OSTM1: variants seen among roughly 807,000 people sequenced by gnomAD.
OSTM1 encodes the protein osteopetrosis-associated transmembrane protein 1.
OSTM1 carries 26 observed loss-of-function variants against 35.4 expected under a neutral mutation model. The observed-to-expected ratio is 0.73, with a 90% confidence interval of 0.54 to 1.02. OSTM1 has a LOEUF of 1.02. Ranked by LOEUF, OSTM1 falls within the 50% of genes least tolerant of loss-of-function variation. The pLI, the probability that OSTM1 is intolerant of heterozygous loss-of-function variation, is 0.00. For synonymous variants in OSTM1, 181 were observed against 165.0 expected (o/e 1.10, Z -0.75); for missense variants, 366 against 409.6 (o/e 0.89, Z 0.92).
Position 108,044,571 on chromosome 6 carries a change from C to T in OSTM1, c.*214G>A. 1 of 441,468 alleles carries T rather than the reference C, an allele frequency of 2.3e-6. No homozygotes were observed. Among genetic ancestry groups the T allele is most frequent in the South Asian group, 4.0e-5 (1 of 25,228 alleles). 27.3% of individuals were successfully genotyped at this position (441,468 alleles called of 1,614,324 possible). A position where few individuals can be genotyped will look rare whatever the true frequency, so the allele number is the denominator to read the frequency against. ...GACAAATACACATTAAAATAGATAA[C>T]ATTGCTATGCCTGGAAATTAAAAAT... is the stretch of plus-strand genomic sequence containing the variant. On this transcript the variant is annotated 3_prime_UTR_variant, in exon 6 of 6. Transcript: ENST00000193322.
At chr6:108,044,883 A>G in intron 5 of OSTM1, 43 bp from the exon 6 acceptor site, 4 of 977,184 alleles carry the variant, frequency 4.1e-6, no homozygotes, top group Non-Finnish European at 6.2e-6. Flanking sequence ...AAATTTAATT[A>G]TCAAACATGA....
In OSTM1 at chr6:108,044,559, T is replaced by G. The variant is rs1346447918; in HGVS notation, c.*226A>C. The G allele has an allele frequency of 2.4e-5, 10 of 415,878 alleles. No individual in the cohort carries two copies. Among genetic ancestry groups the G allele is most frequent in the Non-Finnish European group, 4.3e-5 (10 of 232,238 alleles). 25.8% of individuals were successfully genotyped at this position (415,878 alleles called of 1,614,324 possible). On this transcript the variant is annotated 3_prime_UTR_variant, in exon 6 of 6. Transcript: ENST00000193322. Reference sequence around the variant, plus strand: ...TTCTGTTATTGTGACAAATACACATTAAAATAGATAACATTGCTATGCCTG... The same window carrying G: ...TTCTGTTATTGTGACAAATACACATGAAAATAGATAACATTGCTATGCCTG...
chr6:108,053,686 G>A (rs1772121570), intron 3 of OSTM1, among the ~76,000 whole-genome samples: 1 of 152,044 alleles, frequency 6.6e-6, no homozygotes, highest in Non-Finnish European at 1.5e-5. Context: ...GGTTGATCTC[G>A]AACTCCTGAC....
At chr6:108,048,143 G>T (rs1772012056) in intron 5 of OSTM1, among the ~76,000 whole-genome samples, 1 of 152,072 alleles carries the variant, frequency 6.6e-6, no homozygotes, top group African/African-American at 2.4e-5. Flanking sequence ...TGATCTACAG[G>T]TAACCTTTTT....
chr6:108,062,535 CTT>C (rs780041339), intron 2 of OSTM1, among the ~76,000 whole-genome samples: 10 of 131,056 alleles, frequency 7.6e-5, no homozygotes, highest in Admixed American at 7.9e-5. Flanking sequence ...CTTTTCTTTT[CTT>C]TTTTTTTTTT....
chr6:108,061,410 AT>A (rs947654085), intron 2 of OSTM1, among the ~76,000 whole-genome samples: 1 of 151,568 alleles, frequency 6.6e-6, no homozygotes. Flanking sequence ...TGCCTAAACT[AT>A]AGCAGTAAAC....
At chr6:108,066,075 T>C (rs543489525) in intron 1 of OSTM1, among the ~76,000 whole-genome samples, 1 of 152,290 alleles carries the variant, frequency 6.6e-6, no homozygotes, top group South Asian at 2.1e-4. Context: ...CAGTAGTCTA[T>C]GAAAGTAGGG....
intron 1 of OSTM1, among the ~76,000 whole-genome samples, chr6:108,072,870 G>A (rs1299186619): frequency 1.3e-5 from 2 of 152,080 alleles, no homozygotes; most frequent in Non-Finnish European, 2.9e-5. Flanking sequence ...TGATTCTTCT[G>A]CCTCAGCTTC....
At chr6:108,050,553 G>A (rs905044053) in intron 4 of OSTM1, among the ~76,000 whole-genome samples, 10 of 149,122 alleles carry the variant, frequency 6.7e-5, no homozygotes, top group Middle Eastern at 6.8e-3. Context: ...TAGTAGAGAC[G>A]GGGTTTCACC....
chr6:108,066,225 T>C (rs559902278), intron 1 of OSTM1, among the ~76,000 whole-genome samples: 19 of 152,156 alleles, frequency 1.2e-4, no homozygotes, highest in African/African-American at 4.6e-4. Context: ...CCGTGATATG[T>C]AGGGTGAGGA....
rs1476063569 is a variant in OSTM1, at chr6:108,042,260, T to C, written c.*2525A>G. The C allele has an allele frequency of 9.4e-6, 1 of 106,268 alleles. No homozygotes were observed. Among genetic ancestry groups the C allele is most frequent in the Non-Finnish European group, 1.8e-5 (1 of 56,098 alleles). 6.6% of individuals were successfully genotyped at this position (106,268 alleles called of 1,614,324 possible). A position where few individuals can be genotyped will look rare whatever the true frequency, so the allele number is the denominator to read the frequency against. On this transcript the variant is annotated 3_prime_UTR_variant, in exon 6 of 6. Coordinates refer to ENST00000193322, the MANE Select transcript of OSTM1 (RefSeq NM_014028.4). Reference sequence around the variant, plus strand: ...CAGCTTGGGCAACATAGTGAGACACTGTCTCTACAAAAAAAAAAAAAAAAA... The same window carrying C: ...CAGCTTGGGCAACATAGTGAGACACCGTCTCTACAAAAAAAAAAAAAAAAA...
chr6:108,048,716 C>T (rs1452264236), intron 5 of OSTM1, among the ~76,000 whole-genome samples: 2 of 147,684 alleles, frequency 1.4e-5, no homozygotes, highest in Admixed American at 6.7e-5. Context: ...CTAGCTTTCT[C>T]AATTTAATCA....
At position 108,051,136 on chromosome 6, in the gene OSTM1, T is replaced by A. The variant is rs772041432; in HGVS notation, c.678A>T (p.Glu226Asp). The A allele has an allele frequency of 3.7e-6, 6 of 1,613,396 alleles. No homozygotes were observed. Among genetic ancestry groups the A allele is most frequent in the Non-Finnish European group, 5.1e-6 (6 of 1,179,506 alleles). Residue 226 changes from glutamate (E) to aspartate (D), a missense_variant, in exon 4 of 6, where the codon GAA (glutamate) becomes GAT (aspartate). By Grantham distance (45) the Glu-to-Asp change is conservative. Around this residue, in one of 3 missense-constraint regions of OSTM1, gnomAD observed 125 missense variants for 151.7 expected, o/e 0.82. Transcript: ENST00000193322. ...ACAGACTACTCAGAGTTTTGTATGC[T>A]TCACGGCAGTTTTTGCATACTTCTG... The part of the protein sequence containing the change: ...NYSEVCKNCR[E>D]AYKTLSSLYS...
rs1175025828 is a variant in OSTM1 at position 108,043,740 on chromosome 6, A to G, written c.*1045T>C. The stretch of plus-strand genomic sequence containing the variant: ...ATCTGATTGAAATAATTTAGAAACA[A>G]TAAGGATGATCTTAATCTCACTATT... On this transcript the variant is annotated 3_prime_UTR_variant, in exon 6 of 6. Coordinates refer to ENST00000193322, the MANE Select transcript of OSTM1 (RefSeq NM_014028.4). 1 of 152,212 alleles carries G rather than the reference A, an allele frequency of 6.6e-6. No individual in the cohort carries two copies. Among genetic ancestry groups the G allele is most frequent in the Non-Finnish European group, 1.5e-5 (1 of 68,040 alleles). 9.4% of individuals were successfully genotyped at this position (152,212 alleles called of 1,614,324 possible).
chr6:108,071,187 CA>C (rs540297028), intron 1 of OSTM1, among the ~76,000 whole-genome samples: 13 of 141,904 alleles, frequency 9.2e-5, no homozygotes, highest in South Asian at 4.4e-4. Context: ...GACTCTGTCT[CA>C]AAAAAAAAAG....
chr6:108,056,767 C>G (rs1402712271), intron 2 of OSTM1, among the ~76,000 whole-genome samples: 1 of 152,122 alleles, frequency 6.6e-6, no homozygotes, highest in African/African-American at 2.4e-5. Context: ...GGAGTTGTCC[C>G]CTCTCTGAAC....
chr6:108,054,598 A>G lies in OSTM1; in HGVS notation c.518-11T>C, dbSNP rs1772138586. On this transcript the variant is annotated splice_polypyrimidine_tract_variant and intron_variant, in intron 2 of 5. Coordinates refer to ENST00000193322, the MANE Select transcript of OSTM1 (RefSeq NM_014028.4). ...TGTTTGTTAAACAATCTGTCAAAAA[A>G]ATTCAAAAAGTATATTAATATAACT... 1 of 1,305,364 alleles carries G rather than the reference A, an allele frequency of 7.7e-7. No individual in the cohort carries two copies. The highest frequency in any genetic ancestry group is 2.4e-4 in the Middle Eastern group (1 of 4,184). 80.9% of individuals were successfully genotyped at this position (1,305,364 alleles called of 1,614,324 possible).
chr6:108,059,024 G>A (rs1163700184), intron 2 of OSTM1, among the ~76,000 whole-genome samples: 1 of 152,148 alleles, frequency 6.6e-6, no homozygotes, highest in Non-Finnish European at 1.5e-5. Flanking sequence ...TTTTCAGTGT[G>A]TAAGAACAAA....
At chr6:108,066,138 G>C (rs1772372583) in intron 1 of OSTM1, among the ~76,000 whole-genome samples, 2 of 152,190 alleles carry the variant, frequency 1.3e-5, no homozygotes, top group Non-Finnish European at 2.9e-5. Flanking sequence ...AGGGTCATGA[G>C]AGTTAGCCAG....
Sources: gnomAD v4.1 joint callset for allele counts (sites outside exome capture counted in the v4.1 genomes callset) on GRCh38, gnomAD v4.1.1 for gene constraint, gnomAD v4.1.1 regional missense constraint, MANE v1.5 for transcripts, NCBI Gene and HGNC (gene_info 2026-07-23, HGNC 2026-07-21) for gene names.